The following PIP5KL1 variants were observed in gnomAD, a reference collection of about 807,000 sequenced individuals.
PIP5KL1 encodes the protein phosphatidylinositol-4-phosphate 5-kinase like 1.
Under a neutral mutation model 47.6 loss-of-function variants are expected in PIP5KL1, and 45 were observed. The observed-to-expected ratio is 0.94, with a 90% CI of 0.74 to 1.21. PIP5KL1 has a LOEUF of 1.21. Ranked by LOEUF, PIP5KL1 falls within the 50% of genes most tolerant of loss-of-function variation. PIP5KL1 has a pLI of 0.00. For synonymous variants in PIP5KL1, 256 were observed against 234.6 expected (o/e 1.09, Z -0.84); for missense variants, 577 against 547.6 (o/e 1.05, Z -0.54).
intron 8 of PIP5KL1, chr9:127,925,639 T>G: frequency 1.7e-5 from 9 of 539,874 alleles, no homozygotes; most frequent in Non-Finnish European, 2.7e-5. Flanking sequence ...CTAATTTGTG[T>G]GTTTTTCGTA....
Position 127,922,608 on chromosome 9 carries a change from C to T in PIP5KL1, c.918-494G>A, listed in dbSNP as rs528599542. The stretch of plus-strand genomic sequence containing the variant: ...GCTCAGGAGGCTGAGGCAGGAGAAT[C>T]GCTTGAACCCGGGAGGCGGAGGGTT... On this transcript the variant is annotated intron_variant, in intron 9 of 9. Transcript: ENST00000388747. 3.5e-5 allele frequency among the ~76,000 whole-genome samples: 5 copies of T among 143,806 alleles called. No individual in the cohort carries two copies. The East Asian group carries it at 8.4e-4, about 24-fold the overall frequency. The allele number at this position is 143,806 out of a possible 152,430, so 94.3% of individuals were successfully genotyped here.
chr9:127,926,948 T>C (rs1417638851), intron 7 of PIP5KL1, among the ~76,000 whole-genome samples: 1 of 152,186 alleles, frequency 6.6e-6, no homozygotes, highest in East Asian at 1.9e-4. Flanking sequence ...TTAAAAAGCA[T>C]GCGAAGGGCC....
rs543425776 is a variant in PIP5KL1, at chr9:127,928,970, G to A, written c.229-487C>T. On this transcript the variant is annotated intron_variant, in intron 2 of 9. Coordinates refer to ENST00000388747, the MANE Select transcript of PIP5KL1 (RefSeq NM_001135219.2). ...AGTAGAAACAGCACTGGTGGCTGCC[G>A]GCAAGGGAAGGAGGGCCCAAGTGGC... is the stretch of plus-strand genomic sequence containing the variant. Among the ~76,000 whole-genome samples the A allele has an allele frequency of 2.7e-4, 41 of 152,340 alleles. No homozygotes were observed. The East Asian group carries it at 7.3e-3, about 27-fold the overall frequency.
intron 9 of PIP5KL1, 61 bp downstream of exon 9, chr9:127,925,046 T>C (rs562154185): frequency 3.2e-6 from 5 of 1,584,944 alleles, no homozygotes; most frequent in East Asian, 2.2e-5. Context: ...CATGCCCCCA[T>C]GTCTGTCTTT....
chr9:127,922,409 GAT>G lies in PIP5KL1; in HGVS notation c.918-297_918-296del, dbSNP rs569763276. 4.8e-3 allele frequency among the ~76,000 whole-genome samples: 732 copies of G among 152,314 alleles called. 6 individuals carry two copies. Among genetic ancestry groups the G allele is most frequent in the African/African-American group, 0.016 (672 of 41,566 alleles). On this transcript the variant is annotated intron_variant, in intron 9 of 9. Transcript: ENST00000388747. Reference sequence around the variant, plus strand: ...ATTTCAAAGACAGGATGAAAAAAAGGATGTAAGGCTGGGCGCAGTGGCTCACG... The same window carrying G: ...ATTTCAAAGACAGGATGAAAAAAAGGGTAAGGCTGGGCGCAGTGGCTCACG...
chr9:127,927,958 G>C lies in PIP5KL1; in HGVS notation c.434+107C>G, dbSNP rs1376068505. On this transcript the variant is annotated intron_variant, in intron 4 of 9. Transcript: ENST00000388747. The surrounding 1 kb of genome is among the most constrained non-coding windows in gnomAD (Gnocchi z 5.5). ...TCCGGCCCTGACCCTCCCAGATTAG[G>C]GCCGCTCTGTTTCTCTCTTCAGGGG... 2 of 1,445,604 alleles carry C rather than the reference G, an allele frequency of 1.4e-6. No homozygotes were observed. Among genetic ancestry groups the C allele is most frequent in the African/African-American group, 2.9e-5 (2 of 69,348 alleles). The allele number at this position is 1,445,604 out of a possible 1,614,324, so 89.5% of individuals were successfully genotyped here. A position where few individuals can be genotyped will look rare whatever the true frequency, so the allele number is the denominator to read the frequency against.
Position 127,921,607 on chromosome 9 carries a change from G to A in PIP5KL1, c.*240C>T. ...CCCCTGAGCCTCCATTTCATGGTCT[G>A]TAAAAAGAGAATAATAGCATTTTTT... On this transcript the variant is annotated 3_prime_UTR_variant, in exon 10 of 10. Coordinates refer to ENST00000388747, the MANE Select transcript of PIP5KL1 (RefSeq NM_001135219.2). The A allele has an allele frequency of 1.8e-6, 1 of 570,688 alleles. No homozygotes were observed. The highest frequency in any genetic ancestry group is 3.1e-6 in the Non-Finnish European group (1 of 327,038). The allele number at this position is 570,688 out of a possible 1,614,324, so 35.4% of individuals were successfully genotyped here.
At chr9:127,928,512 C>A (rs1831396228) in intron 2 of PIP5KL1, 29 bp from the exon 3 acceptor site, 2 of 1,559,322 alleles carry the variant, frequency 1.3e-6, no homozygotes, top group Non-Finnish European at 1.7e-6. Flanking sequence ...GAGCTCAGGG[C>A]AACCCTCAGT....
rs781741458 is a variant in PIP5KL1 at position 127,927,141 on chromosome 9, T to A, written c.650+12A>T. 6.2e-7 allele frequency: 1 copy of A among 1,606,906 alleles called. No homozygotes were observed. Among genetic ancestry groups the A allele is most frequent in the Admixed American group, 1.7e-5 (1 of 59,556 alleles). ...GCTGGGATGGGGGCCCAAACCTGCT[T>A]AGGCCACTCACCTCTCGGAGATGCG... On this transcript the variant is annotated intron_variant, in intron 7 of 9. Coordinates refer to ENST00000388747, the MANE Select transcript of PIP5KL1 (RefSeq NM_001135219.2). This position sits in a 1 kb window ranked among gnomAD's most constrained non-coding sequence, Gnocchi z 5.5.
At chr9:127,928,939 C>T (rs868087803) in intron 2 of PIP5KL1, 17 of 184,974 alleles carry the variant, frequency 9.2e-5, no homozygotes, top group African/African-American at 3.6e-4. Flanking sequence ...GCAGGGTGCT[C>T]GCACCAGTAG....
rs958841677 is a variant in PIP5KL1, at chr9:127,924,272, T to C, written c.917+835A>G. Among the ~76,000 whole-genome samples, 4 of 151,918 alleles carry C rather than the reference T, an allele frequency of 2.6e-5. No individual in the cohort carries two copies. The East Asian group carries it at 5.8e-4, about 22-fold the overall frequency. Reference sequence around the variant, plus strand: ...TGGGAGGCCGAGGCGGGTGGATCACTTGAGGTCAGGAGTTCAAGACCAGCG... The same window carrying C: ...TGGGAGGCCGAGGCGGGTGGATCACCTGAGGTCAGGAGTTCAAGACCAGCG... On this transcript the variant is annotated intron_variant, in intron 9 of 9. Transcript: ENST00000388747.
At chr9:127,930,694 C>A in intron 1 of PIP5KL1, 29 bp downstream of exon 1, 1 of 1,558,244 alleles carries the variant, frequency 6.4e-7, no homozygotes, top group Non-Finnish European at 8.7e-7. Context: ...ACCCTTCCCT[C>A]TCCTGTCCTC....
Position 127,921,938 on chromosome 9 carries a change from G to GTCT in PIP5KL1, c.1091_1093dup (p.Lys364dup). The GTCT allele has an allele frequency of 1.9e-6, 3 of 1,577,636 alleles. No homozygotes were observed. The highest frequency in any genetic ancestry group is 2.6e-6 in the Non-Finnish European group (3 of 1,163,366). ...GAAGGTCCGGCCTGGGTAGCGCAGT[G>GTCT]TCTTCCACAGGTGCTCCAGCCGCTT... On this transcript the variant is annotated inframe_insertion, in exon 10 of 10. Transcript: ENST00000388747.
Position 127,921,616 on chromosome 9 carries a change from G to A in PIP5KL1, c.*231C>T. The A allele has an allele frequency of 1.7e-6, 1 of 598,542 alleles. No individual in the cohort carries two copies. The highest frequency in any genetic ancestry group is 2.9e-6 in the Non-Finnish European group (1 of 347,046). The allele number at this position is 598,542 out of a possible 1,614,324, so 37.1% of individuals were successfully genotyped here. The stretch of plus-strand genomic sequence containing the variant: ...CTCCATTTCATGGTCTGTAAAAAGA[G>A]AATAATAGCATTTTTTGAGGATTAA... On this transcript the variant is annotated 3_prime_UTR_variant, in exon 10 of 10. Coordinates refer to ENST00000388747, the MANE Select transcript of PIP5KL1 (RefSeq NM_001135219.2).
At position 127,927,832 on chromosome 9, in the gene PIP5KL1, C is replaced by G. The variant is rs1831386249; in HGVS notation, c.435-60G>C. On this transcript the variant is annotated intron_variant, in intron 4 of 9. Transcript: ENST00000388747. The surrounding 1 kb of genome is among the most constrained non-coding windows in gnomAD (Gnocchi z 5.5). ...CTGGCTGGAGCGGCTCCCACCCGGC[C>G]CCCTTCCCCGACCTGTGCACGTGGA... The G allele has an allele frequency of 6.6e-7, 1 of 1,524,446 alleles. No individual in the cohort carries two copies. Among genetic ancestry groups the G allele is most frequent in the Non-Finnish European group, 8.8e-7 (1 of 1,141,006 alleles). The allele number at this position is 1,524,446 out of a possible 1,614,324, so 94.4% of individuals were successfully genotyped here.
In PIP5KL1 at chr9:127,928,181, G is replaced by A. The variant is rs1210635676; in HGVS notation, c.318C>T (p.Ala106=). The change falls in exon 4 of 10, where the codon GCC becomes GCT. Residue 106 remains alanine (A), a synonymous_variant. Transcript: ENST00000388747. ...ELGTLAGPAF[A]WLRRSLGLAE... ...CCAGGCCCAGGGAGCGGCGCAGCCA[G>A]GCAAAGGCGGGGCCGGCCAGCGTGC... 2 of 1,539,710 alleles carry A rather than the reference G, an allele frequency of 1.3e-6. No homozygotes were observed. Among genetic ancestry groups the A allele is most frequent in the Non-Finnish European group, 8.7e-7 (1 of 1,143,416 alleles).
At chr9:127,924,107 G>T (rs1465693610) in intron 9 of PIP5KL1, among the ~76,000 whole-genome samples, 2 of 152,184 alleles carry the variant, frequency 1.3e-5, no homozygotes, top group African/African-American at 2.4e-5. Context: ...GGTGGCTCAC[G>T]CCTGTAATCC....
At position 127,921,753 on chromosome 9, in the gene PIP5KL1, G is replaced by C; in HGVS notation, c.*94C>G. ...GGATGCTGCCCTCTGGCGACCATCA[G>C]GAGGAAGCGCAGGCGAGATGCCCGG... On this transcript the variant is annotated 3_prime_UTR_variant, in exon 10 of 10. Coordinates refer to ENST00000388747, the MANE Select transcript of PIP5KL1 (RefSeq NM_001135219.2). The C allele has an allele frequency of 6.9e-7, 1 of 1,442,994 alleles. No individual in the cohort carries two copies. The highest frequency in any genetic ancestry group is 1.4e-5 in the African/African-American group (1 of 70,622). The allele number at this position is 1,442,994 out of a possible 1,614,324, so 89.4% of individuals were successfully genotyped here.
At position 127,930,776 on chromosome 9, in the gene PIP5KL1, C is replaced by A. The variant is rs771998732; in HGVS notation, c.-24G>T. On this transcript the variant is annotated 5_prime_UTR_variant, in exon 1 of 10. Coordinates refer to ENST00000388747, the MANE Select transcript of PIP5KL1 (RefSeq NM_001135219.2). ...ATCGCCCCCGCAGCAGCTTCCCGGG[C>A]TTTGGCCGCATTCCCCGCCGCCCCG... The A allele has an allele frequency of 6.5e-7, 1 of 1,532,734 alleles. No individual in the cohort carries two copies. Among genetic ancestry groups the A allele is most frequent in the Non-Finnish European group, 8.7e-7 (1 of 1,144,434 alleles). The allele number at this position is 1,532,734 out of a possible 1,614,324, so 94.9% of individuals were successfully genotyped here. A position where few individuals can be genotyped will look rare whatever the true frequency, so the allele number is the denominator to read the frequency against.
Sources: gnomAD v4.1 joint callset for allele counts (sites outside exome capture counted in the v4.1 genomes callset) on GRCh38, gnomAD v4.1.1 for gene constraint, Gnocchi (gnomAD v3.1) non-coding constraint, MANE v1.5 for transcripts, NCBI Gene and HGNC (gene_info 2026-07-23, HGNC 2026-07-21) for gene names.